COP1: variants seen among roughly 807,000 people sequenced by gnomAD.
COP1 encodes COP1 E3 ubiquitin ligase.
Under a neutral mutation model 101.3 loss-of-function variants are expected in COP1, and 24 were observed. That is an observed-to-expected ratio of 0.24 (90% CI 0.17 to 0.33). COP1 has a LOEUF of 0.33. COP1 is among the 10% of genes least tolerant of loss of function. The pLI is 1.00. For synonymous variants in COP1, 347 were observed against 341.9 expected, an observed-to-expected ratio of 1.01 and a Z score of -0.17; for missense variants, 663 against 906.2, an observed-to-expected ratio of 0.73 and a Z score of 3.45.
intron 9 of COP1, among the ~76,000 whole-genome samples, chr1:176,090,737 A>T (rs937565352): frequency 6.6e-6 from 1 of 152,216 alleles, no homozygotes; most frequent in African/African-American, 2.4e-5. Context: ...GAAGACAAAA[A>T]ATTTGAAAAA....
At chr1:176,192,243 C>A (rs1029047910) in intron 1 of COP1, among the ~76,000 whole-genome samples, 2 of 152,124 alleles carry the variant, frequency 1.3e-5, no homozygotes, top group African/African-American at 2.4e-5. Flanking sequence ...TGCCCAAACA[C>A]AGAATCAGTT....
In COP1 at chr1:176,139,567, T is replaced by C. The variant is rs150636215; in HGVS notation, c.832-3020A>G. Among the ~76,000 whole-genome samples the C allele has an allele frequency of 2.3e-3, 347 of 152,268 alleles. 1 individual carries two copies. The highest frequency in any genetic ancestry group is 7.7e-3 in the African/African-American group (321 of 41,570). On this transcript the variant is annotated intron_variant, in intron 6 of 19. Transcript: ENST00000367669. The stretch of plus-strand genomic sequence containing the variant: ...AGCAAAGATTCATCAATGCCCATCA[T>C]TGCCCATCAACGGTGGACTCAATAA...
At chr1:175,952,675 G>GAA (rs1236915297) in intron 18 of COP1, among the ~76,000 whole-genome samples, 2 of 152,118 alleles carry the variant, frequency 1.3e-5, no homozygotes, top group African/African-American at 4.8e-5. Flanking sequence ...TTGGGAGGCT[G>GAA]AGGTAGAAGG....
At chr1:176,113,947 T>TTG (rs1190054762) in intron 9 of COP1, among the ~76,000 whole-genome samples, 4 of 150,290 alleles carry the variant, frequency 2.7e-5, no homozygotes, top group African/African-American at 9.8e-5. Context: ...AGGGTAGGGT[T>TTG]TTTTTTTTTT....
chr1:176,031,668 G>A (rs1668671209), intron 14 of COP1, among the ~76,000 whole-genome samples: 1 of 152,134 alleles, frequency 6.6e-6, no homozygotes, highest in South Asian at 2.1e-4. Flanking sequence ...CCATAATTAG[G>A]AGGTTAAAAT....
intron 7 of COP1, among the ~76,000 whole-genome samples, chr1:176,136,181 G>A (rs1171800873): frequency 1.3e-5 from 2 of 152,022 alleles, no homozygotes; most frequent in African/African-American, 4.8e-5. Flanking sequence ...AAAAAGCATT[G>A]TAGTGGTAAT....
At position 176,081,296 on chromosome 1, in the gene COP1, A is replaced by C; in HGVS notation, c.1142-9T>G. On this transcript the variant is annotated splice_polypyrimidine_tract_variant and intron_variant, in intron 10 of 19. Coordinates refer to ENST00000367669, the MANE Select transcript of COP1 (RefSeq NM_022457.7). ...TGCAGTTCGACTGTCATCTATATGA[A>C]AAAAAAAAAAAAAAGACAAAACAGA... 1.2e-6 allele frequency: 1 copy of C among 809,244 alleles called. No homozygotes were observed. The highest frequency in any genetic ancestry group is 1.7e-6 in the Non-Finnish European group (1 of 594,372). 50.1% of individuals were successfully genotyped at this position (809,244 alleles called of 1,614,324 possible). A position where few individuals can be genotyped will look rare whatever the true frequency, so the allele number is the denominator to read the frequency against.
At chr1:176,199,026 G>A (rs1700004791) in intron 1 of COP1, among the ~76,000 whole-genome samples, 1 of 152,114 alleles carries the variant, frequency 6.6e-6, no homozygotes, top group Non-Finnish European at 1.5e-5. Context: ...TGGTAGAAAT[G>A]CAAAATGGTG....
At chr1:176,122,834 T>G (rs1304521611) in intron 8 of COP1, among the ~76,000 whole-genome samples, 1 of 152,146 alleles carries the variant, frequency 6.6e-6, no homozygotes, top group Non-Finnish European at 1.5e-5. Context: ...CTAGCAGATA[T>G]AAAAAGCAAG....
At chr1:176,150,173 T>C (rs1692191922) in intron 5 of COP1, among the ~76,000 whole-genome samples, 1 of 152,170 alleles carries the variant, frequency 6.6e-6, no homozygotes, top group African/African-American at 2.4e-5. Context: ...CAAATAAGCA[T>C]GACCACCTCA....
intron 9 of COP1, 89 bp from the exon 10 acceptor site, chr1:176,085,979 G>A: frequency 1.6e-6 from 1 of 613,216 alleles, no homozygotes; most frequent in Non-Finnish European, 2.9e-6. Flanking sequence ...TTTACCCTCA[G>A]AAGTTCATCA....
chr1:176,127,890 T>C (rs1187368966), intron 8 of COP1, among the ~76,000 whole-genome samples: 1 of 152,092 alleles, frequency 6.6e-6, no homozygotes, highest in South Asian at 2.1e-4. Flanking sequence ...TTTCTCCACA[T>C]CCTCATCAAC....
intron 18 of COP1, among the ~76,000 whole-genome samples, chr1:175,970,294 G>A (rs1367961341): frequency 2.0e-5 from 3 of 152,252 alleles, no homozygotes; most frequent in Middle Eastern, 3.4e-3. Flanking sequence ...AAAAAATGAT[G>A]AGAACTTAGT....
chr1:176,125,400 A>G (rs1320028670), intron 8 of COP1, among the ~76,000 whole-genome samples: 2 of 152,106 alleles, frequency 1.3e-5, no homozygotes, highest in African/African-American at 2.4e-5. Context: ...ATCCACTTTG[A>G]TGTGATCTTT....
rs1344245478 is a variant in COP1, at chr1:176,024,908, A to G, written c.1729+2664T>C. ...AAGACTTCTACACTGAAAATTACAA[A>G]ACTATTGATGATAAAAATGGCAAAG... On this transcript the variant is annotated intron_variant, in intron 15 of 19. Coordinates refer to ENST00000367669, the MANE Select transcript of COP1 (RefSeq NM_022457.7). Among the ~76,000 whole-genome samples, 5 of 152,320 alleles carry G rather than the reference A, an allele frequency of 3.3e-5. No homozygotes were observed. The East Asian group carries it at 9.6e-4, about 29-fold the overall frequency.
intron 2 of COP1, among the ~76,000 whole-genome samples, chr1:176,179,180 CT>C (rs1193489786): frequency 6.6e-6 from 1 of 151,638 alleles, no homozygotes; most frequent in African/African-American, 2.4e-5. Flanking sequence ...GTCCTAGCTA[CT>C]CAGTAGGCCG....
At chr1:176,106,778 T>C (rs1395774681) in intron 9 of COP1, among the ~76,000 whole-genome samples, 1 of 152,182 alleles carries the variant, frequency 6.6e-6, no homozygotes, top group South Asian at 2.1e-4. Context: ...GCACAGCGGC[T>C]CTGCATGAAT....
intron 15 of COP1, among the ~76,000 whole-genome samples, chr1:176,004,012 C>A (rs1421376805): frequency 2.4e-4 from 35 of 147,642 alleles, no homozygotes; most frequent in African/African-American, 8.1e-4. Context: ...TTGTTTGTAT[C>A]CTCTTTTATT....
chr1:176,064,070 A>G (rs1192036433), intron 11 of COP1, among the ~76,000 whole-genome samples: 1 of 152,208 alleles, frequency 6.6e-6, no homozygotes, highest in Non-Finnish European at 1.5e-5. Flanking sequence ...TAACCAATTA[A>G]AAGTATAAAA....
Sources: gnomAD v4.1 joint callset for allele counts (sites outside exome capture counted in the v4.1 genomes callset) on GRCh38, gnomAD v4.1.1 for gene constraint, MANE v1.5 for transcripts, NCBI Gene and HGNC (gene_info 2026-07-23, HGNC 2026-07-21) for gene names.